INPP5D: variants seen among roughly 807,000 people sequenced by gnomAD.
INPP5D encodes inositol polyphosphate-5-phosphatase D, also known as phosphatidylinositol 3,4,5-trisphosphate 5-phosphatase 1.
A neutral mutation model predicts 122.9 loss-of-function variants in INPP5D; 33 were observed. That is an observed-to-expected ratio of 0.27 (90% confidence interval 0.20 to 0.36). The LOEUF (loss-of-function observed/expected upper bound fraction) is 0.36. Ranked by LOEUF, INPP5D falls within the 10% of genes least tolerant of loss-of-function variation. The pLI, the probability that INPP5D is intolerant of heterozygous loss-of-function variation, is 1.00. For synonymous variants in INPP5D, 584 were observed against 576.2 expected, an observed-to-expected ratio of 1.01 and a Z score of -0.19; for missense variants, 1,053 against 1,412.7, an observed-to-expected ratio of 0.75 and a Z score of 4.08.
chr2:233,146,480 C>T (rs777385833), intron 8 of INPP5D, 42 bp downstream of exon 8: 100 of 702,850 alleles, frequency 1.4e-4, no homozygotes, highest in Admixed American at 2.0e-4. Context: ...TTGGGCTCCA[C>T]AGCTGGGCAG....
rs75695777 is a variant in INPP5D at position 233,134,310 on chromosome 2, G to A, written c.665+3662G>A. The stretch of plus-strand genomic sequence containing the variant: ...GGGGAATCATGGGGGATGCATATGG[G>A]GAATCACTGAAAGCTGGGGGTAAGG... On this transcript the variant is annotated intron_variant, in intron 5 of 26. Coordinates refer to ENST00000445964, the MANE Select transcript of INPP5D (RefSeq NM_001017915.3). 466 of 285,804 alleles carry A rather than the reference G, an allele frequency of 1.6e-3. 1 individual carries two copies. The highest frequency in any genetic ancestry group is 9.8e-3 in the African/African-American group (441 of 45,172). 17.7% of individuals were successfully genotyped at this position (285,804 alleles called of 1,614,324 possible). A position where few individuals can be genotyped will look rare whatever the true frequency, so the allele number is the denominator to read the frequency against.
chr2:233,105,364 A>G lies in INPP5D; in HGVS notation c.199-16743A>G, dbSNP rs1692436826. Among the ~76,000 whole-genome samples the G allele has an allele frequency of 1.3e-5, 2 of 152,090 alleles. No homozygotes were observed. Among genetic ancestry groups the G allele is most frequent in the Non-Finnish European group, 2.9e-5 (2 of 67,994 alleles). On this transcript the variant is annotated intron_variant, in intron 2 of 26. Transcript: ENST00000445964. This position sits in a 1 kb window ranked among gnomAD's most constrained non-coding sequence, Gnocchi z 4.0. ...AGGGTGCTCCCTGTCTCTTTGCCCC[A>G]CCACCTCCTATTCACCTGAAGTAGG...
At chr2:233,120,349 T>C (rs138187520) in intron 2 of INPP5D, among the ~76,000 whole-genome samples, 10,004 of 152,200 alleles carry the variant, frequency 0.066, 425 homozygotes, top group East Asian at 0.18. Context: ...CTGGGTGTGG[T>C]GGCGGGCACC....
At chr2:233,107,315 G>A (rs535738474) in intron 2 of INPP5D, among the ~76,000 whole-genome samples, 1 of 152,228 alleles carries the variant, frequency 6.6e-6, no homozygotes, top group South Asian at 2.1e-4. Context: ...CAAGAAACTG[G>A]GCTTTTACAT....
chr2:233,161,566 G>C (rs183735189), intron 10 of INPP5D, among the ~76,000 whole-genome samples, 158 bp from the exon 11 acceptor site: 1 of 152,176 alleles, frequency 6.6e-6, no homozygotes, highest in Non-Finnish European at 1.5e-5. Context: ...GAAGCCACTC[G>C]CTTATGACTT....
chr2:233,118,216 G>A (rs1256520604), intron 2 of INPP5D, among the ~76,000 whole-genome samples: 3 of 152,148 alleles, frequency 2.0e-5, no homozygotes, highest in South Asian at 2.1e-4. Flanking sequence ...AGGCACGGTT[G>A]CCCTTCAAAC....
chr2:233,062,701 T>G (rs1691107966), intron 1 of INPP5D, among the ~76,000 whole-genome samples: 1 of 152,142 alleles, frequency 6.6e-6, no homozygotes, highest in South Asian at 2.1e-4. Flanking sequence ...TCCCACCCCT[T>G]GGCCAGACAA....
At position 233,122,136 on chromosome 2, in the gene INPP5D, C is replaced by T; in HGVS notation, c.228C>T (p.Phe76=). The T allele has an allele frequency of 6.2e-7, 1 of 1,613,988 alleles. No individual in the cohort carries two copies. The highest frequency in any genetic ancestry group is 8.5e-7 in the Non-Finnish European group (1 of 1,179,886). Residue 76 remains phenylalanine (F), a synonymous_variant, in exon 3 of 27, where the codon TTC becomes TTT. Transcript: ENST00000445964. ...CCGAAGGCGTCTCCATGAGGTTCTT[C>T]ACCAAGCTGGACCAGCTCATCGAGT... is the stretch of plus-strand genomic sequence containing the variant. ...QASEGVSMRF[F]TKLDQLIEFY... is the part of the protein sequence containing the mutation.
intron 25 of INPP5D, among the ~76,000 whole-genome samples, chr2:233,201,079 G>C (rs1416072009): frequency 6.6e-6 from 1 of 152,060 alleles, no homozygotes; most frequent in Non-Finnish European, 1.5e-5. Flanking sequence ...CAGCTCAGCT[G>C]TCTCTCTCTC....
intron 2 of INPP5D, among the ~76,000 whole-genome samples, chr2:233,093,862 C>A (rs1692054091): frequency 6.6e-6 from 1 of 152,172 alleles, no homozygotes; most frequent in Non-Finnish European, 1.5e-5. Context: ...GCCACCTGCC[C>A]AGTGGTGGCT....
At chr2:233,084,364 G>A (rs1280632530) in intron 2 of INPP5D, among the ~76,000 whole-genome samples, 1 of 152,102 alleles carries the variant, frequency 6.6e-6, no homozygotes, top group Admixed American at 6.5e-5. Context: ...CACACTCCCA[G>A]GTTTTCATGC....
At chr2:233,069,716 GT>G (rs1235586307) in intron 1 of INPP5D, among the ~76,000 whole-genome samples, 1 of 152,178 alleles carries the variant, frequency 6.6e-6, no homozygotes, top group Non-Finnish European at 1.5e-5. Context: ...ATTACATGAT[GT>G]GCGACACTTC....
intron 1 of INPP5D, among the ~76,000 whole-genome samples, chr2:233,063,766 G>A (rs1211992771): frequency 6.6e-6 from 1 of 152,202 alleles, no homozygotes; most frequent in Non-Finnish European, 1.5e-5. Flanking sequence ...GCCTGGTTTG[G>A]GTCCAACTCT....
intron 25 of INPP5D, among the ~76,000 whole-genome samples, chr2:233,201,014 G>A (rs1320592410): frequency 6.9e-6 from 1 of 143,910 alleles, no homozygotes; most frequent in Non-Finnish European, 1.5e-5. Flanking sequence ...ATAAATAGAT[G>A]AGAGGAAGTC....
chr2:233,175,681 CTTTTG>C (rs1559335216), intron 17 of INPP5D, among the ~76,000 whole-genome samples: 1 of 144,594 alleles, frequency 6.9e-6, no homozygotes, highest in South Asian at 2.4e-4. Flanking sequence ...AAAATAAAAA[CTTTTG>C]TTTTTTTTTT....
chr2:233,060,997 A>G lies in INPP5D; in HGVS notation c.134+385A>G, dbSNP rs574213514. ...AGATGCCCAGCTCAGAAACCCTGAG[A>G]AGAGCAAAGGTGGCAAGGGGGACCC... On this transcript the variant is annotated intron_variant, in intron 1 of 26. Transcript: ENST00000445964. 2.0e-5 allele frequency among the ~76,000 whole-genome samples: 3 copies of G among 152,302 alleles called. No homozygotes were observed. The South Asian group carries it at 6.2e-4, about 32-fold the overall frequency.
intron 2 of INPP5D, among the ~76,000 whole-genome samples, chr2:233,116,242 TAG>T (rs2106248867): frequency 8.1e-6 from 1 of 124,196 alleles, no homozygotes; most frequent in East Asian, 2.1e-4. Context: ...GATAGATAGA[TAG>T]ATAGATAGAT....
At chr2:233,077,497 T>G (rs953961731) in intron 1 of INPP5D, among the ~76,000 whole-genome samples, 68 of 151,976 alleles carry the variant, frequency 4.5e-4, no homozygotes, top group Middle Eastern at 3.4e-3. Context: ...CCATCTCTAC[T>G]AAAAATACAA....
intron 2 of INPP5D, among the ~76,000 whole-genome samples, chr2:233,084,946 A>G (rs1419844859): frequency 6.6e-6 from 1 of 152,258 alleles, no homozygotes; most frequent in Non-Finnish European, 1.5e-5. Context: ...ACTGCAGAAT[A>G]TGGACAGATC....
Sources: gnomAD v4.1 joint callset for allele counts (sites outside exome capture counted in the v4.1 genomes callset) on GRCh38, gnomAD v4.1.1 for gene constraint, Gnocchi (gnomAD v3.1) non-coding constraint, MANE v1.5 for transcripts, NCBI Gene and HGNC (gene_info 2026-07-23, HGNC 2026-07-21) for gene names.